Variants in PRKAR1B observed in about 807,000 individuals in gnomAD.
PRKAR1B encodes protein kinase cAMP-dependent type I regulatory subunit beta, also known as cAMP-dependent protein kinase type I-beta regulatory subunit.
A neutral mutation model predicts 46.5 loss-of-function variants in PRKAR1B; 22 were observed. That is an observed-to-expected ratio of 0.47 (90% CI 0.34 to 0.68). The LOEUF is 0.68. PRKAR1B is among the 30% of genes least tolerant of loss of function. The pLI is 0.01. For missense variants in PRKAR1B, 445 were observed against 535.6 expected, an observed-to-expected ratio of 0.83 and a Z score of 1.67; for synonymous variants, 259 against 217.7, an observed-to-expected ratio of 1.19 and a Z score of -1.67.
intron 8 of PRKAR1B, among the ~76,000 whole-genome samples, chr7:583,681 A>C (rs1432678807): frequency 1.9e-5 from 2 of 106,878 alleles, no homozygotes; most frequent in South Asian, 2.6e-4. Flanking sequence ...CACACAACCC[A>C]CACGGTGCAC....
At chr7:706,309 G>A (rs986234857) in intron 2 of PRKAR1B, among the ~76,000 whole-genome samples, 1 of 151,944 alleles carries the variant, frequency 6.6e-6, no homozygotes, top group East Asian at 1.9e-4. Context: ...CTGGACAACA[G>A]AGCCAGACCC....
intron 9 of PRKAR1B, among the ~76,000 whole-genome samples, chr7:578,025 C>T (rs937063245): frequency 3.3e-5 from 5 of 152,224 alleles, no homozygotes; most frequent in African/African-American, 9.6e-5. Context: ...ACCACATTGC[C>T]ATGGAAAGGG....
intron 4 of PRKAR1B, among the ~76,000 whole-genome samples, chr7:642,246 C>T (rs897916932): frequency 2.6e-5 from 4 of 152,044 alleles, no homozygotes; most frequent in Admixed American, 2.6e-4. Context: ...TCATGGTGGA[C>T]GGGGGTGGAA....
At chr7:711,280 G>A (rs747085513) in intron 2 of PRKAR1B, 49 bp downstream of exon 2, 2 of 1,603,992 alleles carry the variant, frequency 1.2e-6, no homozygotes, top group Admixed American at 3.3e-5. Flanking sequence ...TGCCGCCTCT[G>A]CCCCAGGACA....
intron 7 of PRKAR1B, among the ~76,000 whole-genome samples, chr7:590,794 G>A (rs879799949): frequency 1.3e-5 from 2 of 152,158 alleles, no homozygotes; most frequent in Non-Finnish European, 2.9e-5. Context: ...CCAAGACGGT[G>A]CAGACGGCAC....
chr7:612,330 T>TAACGGA (rs1562562519), intron 4 of PRKAR1B, among the ~76,000 whole-genome samples: 1 of 114,992 alleles, frequency 8.7e-6, no homozygotes, highest in Non-Finnish European at 1.8e-5. Flanking sequence ...GTGAGTAGAT[T>TAACGGA]TGAGTAGATT....
rs554633400 is a variant in PRKAR1B at position 710,549 on chromosome 7, G to A, written c.177+780C>T. Among the ~76,000 whole-genome samples, 71 of 152,116 alleles carry A rather than the reference G, an allele frequency of 4.7e-4. 1 individual carries two copies. The South Asian group carries it at 0.014, about 29-fold the overall frequency. On this transcript the variant is annotated intron_variant, in intron 2 of 10. Coordinates refer to ENST00000537384, the MANE Select transcript of PRKAR1B (RefSeq NM_001164760.2). ...GAGCTTCTCCCCGACCACACGTGCC[G>A]AAGGGTACTTTCCTCTCCCACTGCT...
chr7:567,819 G>C (rs1027321932), intron 9 of PRKAR1B, among the ~76,000 whole-genome samples: 1 of 151,318 alleles, frequency 6.6e-6, no homozygotes, highest in Non-Finnish European at 1.5e-5. Context: ...AGGCAGTAGA[G>C]TTCAAACTCA....
rs866622752 is a variant in PRKAR1B at position 551,445 on chromosome 7, C to G, written c.917G>C (p.Arg306Pro). Residue 306 changes from arginine to proline, a missense_variant, in exon 10 of 11, where the codon CGG becomes CCG. Physicochemically the swap from Arg to Pro is moderately radical, Grantham distance 103. Transcript: ENST00000537384. Reference sequence around the variant, plus strand: ...CTCCACGTACTCCTCATTGGGGGACCGGCGCTGCAGCACGGACGCGGTGCC... The same window carrying G: ...CTCCACGTACTCCTCATTGGGGGACGGGCGCTGCAGCACGGACGCGGTGCC... ...TEGTASVLQR[R>P]SPNEEYVEVG... The G allele has an allele frequency of 1.9e-6, 3 of 1,558,612 alleles. No homozygotes were observed. The highest frequency in any genetic ancestry group is 2.4e-5 in the South Asian group (2 of 84,776).
chr7:600,985 G>T (rs1781554790), intron 6 of PRKAR1B, among the ~76,000 whole-genome samples: 1 of 152,216 alleles, frequency 6.6e-6, no homozygotes, highest in South Asian at 2.1e-4. Context: ...AACTGAACCT[G>T]GTGCTCTTGG....
chr7:669,779 G>T (rs1786124796), intron 4 of PRKAR1B, among the ~76,000 whole-genome samples: 1 of 150,484 alleles, frequency 6.6e-6, no homozygotes, highest in African/African-American at 2.4e-5. Context: ...AAAAGAAAAG[G>T]TTAAAATTGC....
intron 5 of PRKAR1B, among the ~76,000 whole-genome samples, chr7:606,884 A>G (rs986754282): frequency 3.3e-5 from 5 of 152,140 alleles, no homozygotes; most frequent in African/African-American, 1.2e-4. Context: ...TTATACACAC[A>G]CATATGTATA....
chr7:554,898 C>G (rs1038668648), intron 9 of PRKAR1B, among the ~76,000 whole-genome samples: 5 of 152,338 alleles, frequency 3.3e-5, no homozygotes, highest in African/African-American at 7.2e-5. Flanking sequence ...CATTTCATGG[C>G]TCGGAGGTGG....
intron 2 of PRKAR1B, among the ~76,000 whole-genome samples, chr7:688,151 A>C (rs1303450946): frequency 6.8e-6 from 1 of 147,252 alleles, no homozygotes; most frequent in Non-Finnish European, 1.5e-5. Flanking sequence ...CTGTAACCCC[A>C]GCACTTTGGG....
intron 4 of PRKAR1B, chr7:608,108 G>A (rs1782215698): frequency 6.5e-6 from 1 of 152,818 alleles, no homozygotes; most frequent in African/African-American, 2.4e-5. Context: ...CCCGGGACAA[G>A]TGGGGAAGCA....
Position 583,393 on chromosome 7 carries a change from A to AC in PRKAR1B, c.769+1114dup, listed in dbSNP as rs796344686. On this transcript the variant is annotated intron_variant, in intron 8 of 10. Transcript: ENST00000537384. Reference sequence around the variant, plus strand: ...CCCACTCACACATGTGCACACTCACACCCCCCACACGTGTGCACACCCACG... The same window carrying AC: ...CCCACTCACACATGTGCACACTCACACCCCCCCACACGTGTGCACACCCACG... Among the ~76,000 whole-genome samples, 46 of 52,314 alleles carry AC rather than the reference A, an allele frequency of 8.8e-4. 3 individuals are homozygous for AC. The highest frequency in any genetic ancestry group is 2.2e-3 in the East Asian group (7 of 3,142). 34.3% of individuals were successfully genotyped at this position (52,314 alleles called of 152,430 possible). A position where few individuals can be genotyped will look rare whatever the true frequency, so the allele number is the denominator to read the frequency against.
In PRKAR1B at chr7:561,234, G is replaced by A. The variant is rs113818588; in HGVS notation, c.892-9764C>T. Among the ~76,000 whole-genome samples the A allele has an allele frequency of 6.4e-3, 950 of 149,562 alleles. 10 individuals carry two copies. Among genetic ancestry groups the A allele is most frequent in the African/African-American group, 0.022 (904 of 40,564 alleles). On this transcript the variant is annotated intron_variant, in intron 9 of 10. Coordinates refer to ENST00000537384, the MANE Select transcript of PRKAR1B (RefSeq NM_001164760.2). ...CACACACAGGCACACAAACCTGTGC[G>A]CACACACCTAGGCACAAACACACAG...
At chr7:594,821 T>C (rs1474527860) in intron 7 of PRKAR1B, among the ~76,000 whole-genome samples, 1 of 150,856 alleles carries the variant, frequency 6.6e-6, no homozygotes, top group Non-Finnish European at 1.5e-5. Flanking sequence ...CATGAGGGGA[T>C]CCCCTAGACC....
intron 4 of PRKAR1B, among the ~76,000 whole-genome samples, chr7:672,175 G>C (rs1786292379): frequency 1.3e-5 from 2 of 151,818 alleles, no homozygotes; most frequent in East Asian, 1.9e-4. Context: ...TTTTAAGATG[G>C]AGTCTCGCTC....
Sources: allele counts gnomAD v4.1 joint callset (sites outside exome capture counted in the v4.1 genomes callset), GRCh38; gene constraint gnomAD v4.1.1; transcripts MANE v1.5; gene names NCBI Gene and HGNC (gene_info 2026-07-23, HGNC 2026-07-21).